Variants in NIPBL observed in about 807,000 individuals in gnomAD.
NIPBL encodes the protein nipped-B-like protein.
In NIPBL, 19 loss-of-function variants were observed where a neutral mutation model predicts 321.8. That is an observed-to-expected ratio of 0.06 (90% CI 0.04 to 0.09). The LOEUF (loss-of-function observed/expected upper bound fraction) is 0.09, where lower values mean the gene tolerates loss of function less well. Among genes scored for constraint, NIPBL ranks in the 10% least tolerant of loss-of-function variants. The pLI, the probability that NIPBL is intolerant of heterozygous loss-of-function variation, is 1.00. For missense variants in NIPBL, 2,210 were observed against 3,327.0 expected (o/e 0.66, Z 8.26); for synonymous variants, 1,106 against 1,114.1 (o/e 0.99, Z 0.14).
intron 1 of NIPBL, among the ~76,000 whole-genome samples, chr5:36,927,055 C>G (rs896685436): frequency 6.6e-6 from 1 of 152,084 alleles, no homozygotes; most frequent in Non-Finnish European, 1.5e-5. Context: ...AACACTTTTT[C>G]CTATAAATAT....
chr5:36,984,532 C>T, intron 9 of NIPBL, 144 bp from the exon 10 acceptor site: 1 of 658,010 alleles, frequency 1.5e-6, no homozygotes, highest in Non-Finnish European at 2.5e-6. Flanking sequence ...TTCATGCTTA[C>T]TATTTTATGT....
At chr5:37,010,610 C>G (rs777293480) in intron 21 of NIPBL, among the ~76,000 whole-genome samples, 1 of 152,232 alleles carries the variant, frequency 6.6e-6, no homozygotes, top group African/African-American at 2.4e-5. Context: ...CTGGCCAAAG[C>G]TGATGTTCTT....
chr5:36,905,932 G>A (rs932979073), intron 1 of NIPBL, among the ~76,000 whole-genome samples: 1 of 152,030 alleles, frequency 6.6e-6, no homozygotes, highest in African/African-American at 2.4e-5. Flanking sequence ...TTTTAGTAGA[G>A]ATGGGGTTTC....
intron 1 of NIPBL, among the ~76,000 whole-genome samples, chr5:36,942,346 G>A (rs1292037254): frequency 6.8e-6 from 1 of 147,738 alleles, no homozygotes; most frequent in Non-Finnish European, 1.5e-5. Flanking sequence ...GCACAAGAAT[G>A]GCTTGAACCC....
chr5:37,018,793 A>G (rs141154221), intron 24 of NIPBL, among the ~76,000 whole-genome samples: 72 of 152,250 alleles, frequency 4.7e-4, no homozygotes, highest in African/African-American at 1.6e-3. Context: ...TCAACTACCT[A>G]TGAGCTCTTT....
intron 1 of NIPBL, among the ~76,000 whole-genome samples, chr5:36,950,959 A>C (rs1740222023): frequency 6.6e-6 from 1 of 152,164 alleles, no homozygotes; most frequent in Non-Finnish European, 1.5e-5. Context: ...CCTCATTTCT[A>C]CCAAATTCCT....
chr5:36,932,523 G>A (rs1749851539), intron 1 of NIPBL, among the ~76,000 whole-genome samples: 1 of 151,730 alleles, frequency 6.6e-6, no homozygotes, highest in South Asian at 2.1e-4. Context: ...GTTTCTGTTT[G>A]TATGGAGTAT....
chr5:37,003,239 A>G (rs1561141686), intron 15 of NIPBL, 22 bp from the exon 16 acceptor site: 3 of 1,344,872 alleles, frequency 2.2e-6, no homozygotes, highest in Non-Finnish European at 3.2e-6. Context: ...CGATTGATAA[A>G]GAATTTATAT....
At chr5:36,971,288 G>A (rs1742823457) in intron 7 of NIPBL, among the ~76,000 whole-genome samples, 1 of 151,534 alleles carries the variant, frequency 6.6e-6, no homozygotes, top group Admixed American at 6.6e-5. Context: ...AAATGTGATA[G>A]AGACTGTATG....
intron 38 of NIPBL, 128 bp downstream of exon 38, chr5:37,046,327 A>G: frequency 1.5e-6 from 1 of 649,404 alleles, no homozygotes; most frequent in Non-Finnish European, 2.8e-6. Context: ...GGTGTATAGA[A>G]TGTAGGTCTG....
intron 21 of NIPBL, among the ~76,000 whole-genome samples, chr5:37,011,072 C>G (rs919741181): frequency 3.9e-5 from 6 of 151,910 alleles, no homozygotes; most frequent in African/African-American, 4.8e-5. Context: ...GAGTTTATTC[C>G]CTCCCTAATA....
chr5:37,025,302 A>G (rs1430270420), intron 30 of NIPBL, among the ~76,000 whole-genome samples: 1 of 152,168 alleles, frequency 6.6e-6, no homozygotes, highest in Non-Finnish European at 1.5e-5. Context: ...ATTATAAGAG[A>G]TTGCATTATA....
chr5:37,000,724 G>C, intron 12 of NIPBL, 93 bp from the exon 13 acceptor site: 1 of 1,318,720 alleles, frequency 7.6e-7, no homozygotes, highest in Non-Finnish European at 1.1e-6. Flanking sequence ...TATCGTTTAA[G>C]TCTTTAACGT....
chr5:36,915,440 T>G (rs1450970314), intron 1 of NIPBL, among the ~76,000 whole-genome samples: 1 of 152,138 alleles, frequency 6.6e-6, no homozygotes, highest in Admixed American at 6.5e-5. Flanking sequence ...TTCTTTTTAT[T>G]GAATTAGGTA....
rs760245618 is a variant in NIPBL at position 37,019,418 on chromosome 5, T to C, written c.5010+18T>C. ...CACTAGTGGTAGGATTCTTTTCCCC[T>C]GTTTTGGAGATACTACATGTTTATT... On this transcript the variant is annotated intron_variant, in intron 25 of 46. Transcript: ENST00000282516. 1.1e-5 allele frequency: 17 copies of C among 1,565,066 alleles called. No homozygotes were observed. The African/African-American group carries it at 2.0e-4, about 19-fold the overall frequency.
Position 37,006,564 on chromosome 5 carries a change from G to A in NIPBL, c.4063G>A (p.Val1355Ile), listed in dbSNP as rs1424377576. Residue 1355 changes from valine to isoleucine, a missense_variant, in exon 17 of 47, where the codon GTT (valine) becomes ATT (isoleucine). This residue lies in a region of NIPBL where 381 missense variants were observed against 642.3 expected (regional missense o/e 0.59). Coordinates refer to ENST00000282516, the MANE Select transcript of NIPBL (RefSeq NM_133433.4). ...QNTLYPQYDP[V>I]YRLDPHGGGL... is the part of the protein sequence containing the mutation. The stretch of plus-strand genomic sequence containing the variant: ...TACACTTTATCCTCAGTATGATCCT[G>A]TTTACAGATTAGATCCTCATGGAGG... The A allele has an allele frequency of 6.2e-7, 1 of 1,605,826 alleles. No homozygotes were observed. The highest frequency in any genetic ancestry group is 1.3e-5 in the African/African-American group (1 of 74,680).
At chr5:36,980,402 C>G (rs565802377) in intron 9 of NIPBL, among the ~76,000 whole-genome samples, 1 of 151,784 alleles carries the variant, frequency 6.6e-6, no homozygotes, top group African/African-American at 2.4e-5. Context: ...TCCTGAAAGC[C>G]ACTTTCCTCT....
chr5:37,012,862 C>T (rs1444010905), intron 21 of NIPBL, among the ~76,000 whole-genome samples: 7 of 152,192 alleles, frequency 4.6e-5, no homozygotes, highest in Non-Finnish European at 1.0e-4. Flanking sequence ...CCCATGTCTA[C>T]CTCTTTCTAC....
chr5:36,967,122 A>G (rs757876985), intron 6 of NIPBL, among the ~76,000 whole-genome samples: 3 of 152,126 alleles, frequency 2.0e-5, no homozygotes, highest in African/African-American at 7.2e-5. Context: ...GACAAAAATG[A>G]ACTAAAGAAG....
Sources: allele counts gnomAD v4.1 joint callset (sites outside exome capture counted in the v4.1 genomes callset), GRCh38; gene constraint gnomAD v4.1.1; regional missense constraint gnomAD v4.1.1; transcripts MANE v1.5; gene names NCBI Gene and HGNC (gene_info 2026-07-23, HGNC 2026-07-21).